Variants in PKD1L1 observed in about 807,000 individuals in gnomAD.
PKD1L1 encodes the protein polycystin 1 like 1, transient receptor potential channel interacting.
A neutral mutation model predicts 323.4 loss-of-function variants in PKD1L1; 236 were observed. That is an observed-to-expected ratio of 0.73 (90% confidence interval 0.66 to 0.81). The LOEUF (loss-of-function observed/expected upper bound fraction) is 0.81, where lower values mean the gene tolerates loss of function less well. Among genes scored for constraint, PKD1L1 ranks in the 40% least tolerant of loss-of-function variants. The pLI, the probability that PKD1L1 is intolerant of heterozygous loss-of-function variation, is 0.00. For synonymous variants in PKD1L1, 1,344 were observed against 1,335.0 expected, an observed-to-expected ratio of 1.01 and a Z score of -0.15; for missense variants, 3,320 against 3,508.0, an observed-to-expected ratio of 0.95 and a Z score of 1.35.
chr7:47,959,276 GC>G, the PKD1L1 span, among the ~76,000 whole-genome samples: 5 of 151,720 alleles, frequency 3.3e-5, no homozygotes, highest in Non-Finnish European at 7.4e-5. Context: ...TCTCTGCCTG[GC>G]CGCCCATCGT....
intron 7 of PKD1L1, among the ~76,000 whole-genome samples, chr7:47,924,118 A>G (rs1787611737): frequency 6.6e-6 from 1 of 152,200 alleles, no homozygotes; most frequent in Non-Finnish European, 1.5e-5. Flanking sequence ...GAGTTGCAAC[A>G]AAGAATGTAA....
At chr7:47,947,098 T>C (rs563638051) in intron 1 of PKD1L1, among the ~76,000 whole-genome samples, 1 of 152,000 alleles carries the variant, frequency 6.6e-6, no homozygotes, top group African/African-American at 2.4e-5. Context: ...AGGGAAAAAA[T>C]TGTAGCCAAA....
chr7:47,782,328 C>A (rs4724641), intron 56 of PKD1L1, among the ~76,000 whole-genome samples: 42,290 of 150,658 alleles, frequency 0.28, 6,207 homozygotes, highest in East Asian at 0.58. Context: ...GGATGTTGGT[C>A]AAAAAAAAAC....
intron 40 of PKD1L1, 29 bp downstream of exon 40, chr7:47,834,302 CTAGAAGAT>C: frequency 1.2e-6 from 2 of 1,600,916 alleles, no homozygotes; most frequent in Non-Finnish European, 1.7e-6. Flanking sequence ...GCATTTCATG[CTAGAAGAT>C]TAGCTGCTGC....
At position 47,866,594 on chromosome 7, in the gene PKD1L1, T is replaced by C; in HGVS notation, c.3917A>G (p.Asn1306Ser). The change falls in exon 25 of 57, where the codon AAC becomes AGC. Residue 1306 changes from asparagine to serine, a missense_variant. Physicochemically the swap from Asn to Ser is conservative, Grantham distance 46. Transcript: ENST00000289672. ...CCCCATCAGCTGGAGGGTAGAAAGG[T>C]TTTTCAGGCTGGAATTATACCTGAA... ...GEDLYNSSLKNLSTLQLMGSY... is the reference protein window; with the variant it reads ...GEDLYNSSLKSLSTLQLMGSY... 1.2e-6 allele frequency: 2 copies of C among 1,607,314 alleles called. No individual in the cohort carries two copies. Among genetic ancestry groups the C allele is most frequent in the Non-Finnish European group, 1.7e-6 (2 of 1,176,284 alleles).
intron 1 of PKD1L1, among the ~76,000 whole-genome samples, chr7:47,947,104 C>T (rs1333844727): frequency 1.3e-5 from 2 of 152,104 alleles, no homozygotes. Context: ...AAAATTGTAG[C>T]CAAAATCAGA....
At chr7:47,889,473 G>A (rs910920982) in intron 16 of PKD1L1, among the ~76,000 whole-genome samples, 8 of 152,032 alleles carry the variant, frequency 5.3e-5, no homozygotes, top group Non-Finnish European at 1.0e-4. Flanking sequence ...TCAGTAGTCG[G>A]GGCCTGTGGG....
At chr7:47,864,797 C>T (rs1372795112) in intron 26 of PKD1L1, among the ~76,000 whole-genome samples, 1 of 151,002 alleles carries the variant, frequency 6.6e-6, no homozygotes, top group Non-Finnish European at 1.5e-5. Context: ...CGGCTCACTG[C>T]AACCTCCGCC....
intron 8 of PKD1L1, among the ~76,000 whole-genome samples, chr7:47,909,020 C>G (rs969064934): frequency 2.0e-5 from 3 of 152,186 alleles, no homozygotes; most frequent in Admixed American, 6.5e-5. Flanking sequence ...GTGAGCCCCT[C>G]TAAGACCAGC....
chr7:47,855,897 A>AAAAG (rs1366617761), intron 28 of PKD1L1, among the ~76,000 whole-genome samples: 1 of 95,526 alleles, frequency 1.0e-5, no homozygotes, highest in African/African-American at 6.2e-5. Context: ...AAAAAAAAAA[A>AAAAG]AAAGAAAAGT....
intron 52 of PKD1L1, among the ~76,000 whole-genome samples, chr7:47,807,182 G>A (rs1173313862): frequency 6.6e-6 from 1 of 152,024 alleles, no homozygotes; most frequent in Non-Finnish European, 1.5e-5. Context: ...CACTTCAGGA[G>A]AAAAGCCAAA....
At chr7:47,856,076 C>A (rs1295083562) in intron 28 of PKD1L1, among the ~76,000 whole-genome samples, 2 of 151,786 alleles carry the variant, frequency 1.3e-5, no homozygotes, top group Non-Finnish European at 2.9e-5. Context: ...CTTGCTCTGT[C>A]GCCCAGGCTG....
intron 4 of PKD1L1, among the ~76,000 whole-genome samples, chr7:47,936,248 A>AT (rs1787865199): frequency 6.6e-6 from 1 of 152,176 alleles, no homozygotes; most frequent in Non-Finnish European, 1.5e-5. Context: ...GCACATGTAT[A>AT]TGGTTGTGCA....
intron 56 of PKD1L1, among the ~76,000 whole-genome samples, chr7:47,781,318 G>A (rs1786686668): frequency 6.6e-6 from 1 of 151,206 alleles, no homozygotes; most frequent in Non-Finnish European, 1.5e-5. Flanking sequence ...CATGCGGTCT[G>A]CAAATATTTC....
chr7:47,775,506 C>T (rs1232416452), intron 56 of PKD1L1, among the ~76,000 whole-genome samples: 1 of 152,058 alleles, frequency 6.6e-6, no homozygotes, highest in Non-Finnish European at 1.5e-5. Flanking sequence ...AAAATACATA[C>T]AAACTAAATA....
intron 8 of PKD1L1, among the ~76,000 whole-genome samples, chr7:47,912,233 T>A (rs1787337060): frequency 6.6e-6 from 1 of 151,772 alleles, no homozygotes; most frequent in Admixed American, 6.6e-5. Flanking sequence ...GAATGGAAAG[T>A]GTAGAACACA....
chr7:47,815,286 A>T (rs879478466), intron 47 of PKD1L1, 48 bp downstream of exon 47: 2 of 1,597,692 alleles, frequency 1.3e-6, no homozygotes, highest in Non-Finnish European at 1.7e-6. Flanking sequence ...CCACTGCAAG[A>T]TAGCTTTTCT....
At chr7:47,896,651 C>A (rs542241092) in intron 14 of PKD1L1, among the ~76,000 whole-genome samples, 1 of 152,236 alleles carries the variant, frequency 6.6e-6, no homozygotes, top group East Asian at 1.9e-4. Context: ...TCCCTCCCCC[C>A]AGCACACAGC....
At chr7:47,950,239 C>A (rs1286032755), upstream of PKD1L1, among the ~76,000 whole-genome samples, 1 of 152,134 alleles carries the variant, frequency 6.6e-6, no homozygotes, top group Non-Finnish European at 1.5e-5. Flanking sequence ...GGCATCCATA[C>A]CCACACGCAC....
Sources: allele counts gnomAD v4.1 joint callset (sites outside exome capture counted in the v4.1 genomes callset), GRCh38; gene constraint gnomAD v4.1.1; transcripts MANE v1.5; gene names NCBI Gene and HGNC (gene_info 2026-07-23, HGNC 2026-07-21).